The following NKAIN2 variants were observed in gnomAD, a reference collection of about 807,000 sequenced individuals.
NKAIN2 encodes sodium/potassium-transporting ATPase subunit beta-1-interacting protein 2.
In NKAIN2, 14 loss-of-function variants were observed where a neutral mutation model predicts 32.6. The ratio of observed to expected loss-of-function variants is 0.43; its 90% CI spans 0.28 to 0.67. The LOEUF is 0.67. NKAIN2 is among the 30% of genes least tolerant of loss of function. The pLI, the probability that NKAIN2 is intolerant of heterozygous loss-of-function variation, is 0.17. For synonymous variants in NKAIN2, 80 were observed against 87.2 expected (o/e 0.92, Z 0.46); for missense variants, 198 against 258.3 (o/e 0.77, Z 1.60).
intron 4 of NKAIN2, among the ~76,000 whole-genome samples, chr6:124,780,726 C>T (rs940636414): frequency 2.0e-5 from 3 of 152,212 alleles, no homozygotes; most frequent in Non-Finnish European, 2.9e-5. Context: ...TGACTCTCCA[C>T]CTGATATGAG....
chr6:124,155,441 G>T (rs1289767469), intron 1 of NKAIN2, among the ~76,000 whole-genome samples: 1 of 151,868 alleles, frequency 6.6e-6, no homozygotes, highest in Non-Finnish European at 1.5e-5. Context: ...ATTATTATAT[G>T]TCAATTAAAA....
chr6:124,119,535 A>G (rs1012573349), intron 1 of NKAIN2, among the ~76,000 whole-genome samples: 5 of 152,236 alleles, frequency 3.3e-5, no homozygotes, highest in African/African-American at 1.2e-4. Flanking sequence ...TGGGCCCTAA[A>G]GAACATGCCA....
intron 3 of NKAIN2, among the ~76,000 whole-genome samples, chr6:124,586,480 C>G (rs1781714279): frequency 6.6e-6 from 1 of 152,016 alleles, no homozygotes; most frequent in Admixed American, 6.6e-5. Flanking sequence ...CAAACAACTG[C>G]CTATCGGGTA....
intron 3 of NKAIN2, among the ~76,000 whole-genome samples, chr6:124,653,076 A>G (rs961834216): frequency 1.3e-5 from 2 of 152,198 alleles, no homozygotes; most frequent in African/African-American, 4.8e-5. Context: ...TCAAGATTTC[A>G]GTTAATCCCA....
intron 3 of NKAIN2, among the ~76,000 whole-genome samples, chr6:124,454,562 T>C (rs1373505916): frequency 6.6e-6 from 1 of 152,060 alleles, no homozygotes; most frequent in Non-Finnish European, 1.5e-5. Context: ...AATCCACTTA[T>C]GTGAGCAAAG....
At chr6:123,960,277 C>T (rs780474130) in intron 1 of NKAIN2, among the ~76,000 whole-genome samples, 56 of 152,156 alleles carry the variant, frequency 3.7e-4, no homozygotes, top group Admixed American at 5.2e-4. Context: ...TAAATGCTAA[C>T]GGGCATCCAT....
At chr6:123,920,814 C>T (rs562783352) in intron 1 of NKAIN2, among the ~76,000 whole-genome samples, 1 of 152,300 alleles carries the variant, frequency 6.6e-6, no homozygotes, top group South Asian at 2.1e-4. Flanking sequence ...ATATCTGCAT[C>T]ATTACTCAAA....
intron 3 of NKAIN2, among the ~76,000 whole-genome samples, chr6:124,604,770 A>G (rs918501320): frequency 4.6e-5 from 7 of 151,934 alleles, no homozygotes; most frequent in Non-Finnish European, 1.0e-4. Flanking sequence ...TATTCTTTGC[A>G]TGTAATGCTG....
At chr6:124,609,917 A>G (rs1297070898) in intron 3 of NKAIN2, among the ~76,000 whole-genome samples, 1 of 152,216 alleles carries the variant, frequency 6.6e-6, no homozygotes, top group Non-Finnish European at 1.5e-5. Flanking sequence ...CAATAGAGAC[A>G]ATAATAGTAA....
chr6:124,577,594 C>T (rs972945272), intron 3 of NKAIN2, among the ~76,000 whole-genome samples: 2 of 152,138 alleles, frequency 1.3e-5, no homozygotes, highest in Non-Finnish European at 2.9e-5. Flanking sequence ...AGCTAAAGTG[C>T]TCTTGGATTC....
intron 4 of NKAIN2, among the ~76,000 whole-genome samples, chr6:124,748,721 C>A (rs1777571572): frequency 6.6e-6 from 1 of 151,816 alleles, no homozygotes; most frequent in Non-Finnish European, 1.5e-5. Context: ...GGTTTTGTGT[C>A]TTTATCTGTG....
intron 4 of NKAIN2, among the ~76,000 whole-genome samples, chr6:124,738,438 A>C (rs1050497875): frequency 2.9e-4 from 44 of 151,930 alleles, no homozygotes; most frequent in Non-Finnish European, 4.9e-4. Flanking sequence ...TTATTCCACA[A>C]AGCAAAATTA....
intron 4 of NKAIN2, among the ~76,000 whole-genome samples, chr6:124,665,617 A>G (rs1279884955): frequency 1.3e-5 from 2 of 152,170 alleles, no homozygotes; most frequent in Non-Finnish European, 2.9e-5. Context: ...ACTACATGGT[A>G]CACTTTTCAA....
chr6:124,574,331 A>G (rs1307714751), intron 3 of NKAIN2, among the ~76,000 whole-genome samples: 1 of 150,654 alleles, frequency 6.6e-6, no homozygotes, highest in Non-Finnish European at 1.5e-5. Context: ...AAAAAATACC[A>G]GTGAGGTTGG....
At chr6:124,440,183 G>A (rs910315552) in intron 3 of NKAIN2, among the ~76,000 whole-genome samples, 1 of 152,058 alleles carries the variant, frequency 6.6e-6, no homozygotes, top group Non-Finnish European at 1.5e-5. Context: ...GCTGGAGAAT[G>A]AGTGCTCAGT....
intron 4 of NKAIN2, among the ~76,000 whole-genome samples, chr6:124,663,461 T>G (rs1772591944): frequency 6.6e-6 from 1 of 152,124 alleles, no homozygotes; most frequent in South Asian, 2.1e-4. Flanking sequence ...TTATGCCATT[T>G]TTCAAAAACT....
intron 1 of NKAIN2, among the ~76,000 whole-genome samples, chr6:124,122,912 A>T (rs928481552): frequency 6.6e-6 from 1 of 152,166 alleles, no homozygotes; most frequent in African/African-American, 2.4e-5. Flanking sequence ...AGAGAATTGC[A>T]TAGAATTTTT....
rs372907149 is a variant in NKAIN2, at chr6:124,105,210, C to A, written c.55-177795C>A. Among the ~76,000 whole-genome samples the A allele has an allele frequency of 2.5e-4, 38 of 152,270 alleles. No homozygotes were observed. In the South Asian group the frequency reaches 6.8e-3, roughly 27 times the overall value. ...GGGTATGGGTCCAAGTATAAAACTT[C>A]TAAATCACAGCACAGCAGCAAGTGT... On this transcript the variant is annotated intron_variant, in intron 1 of 6. Transcript: ENST00000368417.
intron 1 of NKAIN2, among the ~76,000 whole-genome samples, chr6:123,977,405 T>A (rs1454980206): frequency 6.6e-6 from 1 of 152,056 alleles, no homozygotes; most frequent in Non-Finnish European, 1.5e-5. Context: ...AGTGAAACCT[T>A]GACTTTAAAA....
Sources: gnomAD v4.1 joint callset for allele counts (sites outside exome capture counted in the v4.1 genomes callset) on GRCh38, gnomAD v4.1.1 for gene constraint, MANE v1.5 for transcripts, NCBI Gene and HGNC (gene_info 2026-07-23, HGNC 2026-07-21) for gene names.